ATP6V0A4: variants seen among roughly 807,000 people sequenced by gnomAD.
ATP6V0A4 encodes the protein ATPase H+ transporting V0 subunit a4.
A neutral mutation model predicts 107.3 loss-of-function variants in ATP6V0A4; 86 were observed. That is an observed-to-expected ratio of 0.80 (90% CI 0.67 to 0.96). The LOEUF (loss-of-function observed/expected upper bound fraction) is 0.96, where lower values mean the gene tolerates loss of function less well. Ranked by LOEUF, ATP6V0A4 falls within the 40% of genes least tolerant of loss-of-function variation. ATP6V0A4 has a pLI of 0.00. For synonymous variants in ATP6V0A4, 353 were observed against 381.4 expected (o/e 0.93, Z 0.87); for missense variants, 908 against 1,045.6 (o/e 0.87, Z 1.81).
At chr7:138,720,692 A>G (rs953694369) in intron 19 of ATP6V0A4, among the ~76,000 whole-genome samples, 2 of 151,192 alleles carry the variant, frequency 1.3e-5, no homozygotes, top group African/African-American at 4.9e-5. Flanking sequence ...CTGGGAGTAC[A>G]GTGGCATGAT....
At chr7:138,718,799 G>C (rs1250671447) in intron 19 of ATP6V0A4, among the ~76,000 whole-genome samples, 3 of 152,080 alleles carry the variant, frequency 2.0e-5, no homozygotes, top group African/African-American at 7.3e-5. Flanking sequence ...ATTTAGCAAT[G>C]AAAGCAGCTG....
At chr7:138,747,983 T>C (rs905591260) in intron 12 of ATP6V0A4, among the ~76,000 whole-genome samples, 1 of 152,104 alleles carries the variant, frequency 6.6e-6, no homozygotes, top group African/African-American at 2.4e-5. Flanking sequence ...CTCGAACTCC[T>C]GGTTTCAAGC....
intron 2 of ATP6V0A4, among the ~76,000 whole-genome samples, chr7:138,778,518 G>C (rs1381659647): frequency 6.6e-6 from 1 of 151,976 alleles, no homozygotes; most frequent in African/African-American, 2.4e-5. Context: ...TCAGATAAGG[G>C]ACAGATAATC....
At chr7:138,712,230 C>T (rs1010603699) in intron 20 of ATP6V0A4, among the ~76,000 whole-genome samples, 47 of 145,056 alleles carry the variant, frequency 3.2e-4, no homozygotes, top group African/African-American at 1.2e-3. Context: ...CCACCACGCC[C>T]AGCCCCACTT....
intron 14 of ATP6V0A4, among the ~76,000 whole-genome samples, chr7:138,740,424 CT>C (rs1288644564): frequency 0.022 from 2,808 of 128,940 alleles, 68 homozygotes; most frequent in East Asian, 0.15. Context: ...GAAGAAATTT[CT>C]TTTTTTTTTT....
chr7:138,777,316 A>G (rs1165384262), intron 2 of ATP6V0A4, among the ~76,000 whole-genome samples: 1 of 151,520 alleles, frequency 6.6e-6, no homozygotes, highest in Non-Finnish European at 1.5e-5. Context: ...CCTGGTTCAC[A>G]TTTTTAAAAA....
chr7:138,783,848 T>A (rs1481752881), intron 2 of ATP6V0A4, among the ~76,000 whole-genome samples: 1 of 152,216 alleles, frequency 6.6e-6, no homozygotes, highest in Non-Finnish European at 1.5e-5. Flanking sequence ...CTGAGCTCAA[T>A]TTTTTTATGT....
In ATP6V0A4 at chr7:138,752,622, C is replaced by T. The variant is rs769170631; in HGVS notation, c.1029+3G>A. 2.6e-5 allele frequency: 42 copies of T among 1,613,010 alleles called. No individual in the cohort carries two copies. The highest frequency in any genetic ancestry group is 3.1e-5 in the Non-Finnish European group (36 of 1,179,862). ...ACCCCTCCTGGCTCCACCTGCCACG[C>T]ACCATGCCTTGCTCCAGTGCCCTCT... is the stretch of plus-strand genomic sequence containing the variant. On this transcript the variant is annotated splice_donor_region_variant and intron_variant, in intron 11 of 21. Transcript: ENST00000310018.
At chr7:138,734,552 G>A (rs769779900) in intron 15 of ATP6V0A4, among the ~76,000 whole-genome samples, 1 of 152,124 alleles carries the variant, frequency 6.6e-6, no homozygotes, top group Non-Finnish European at 1.5e-5. Context: ...CGAGGCAGGT[G>A]TATCACTTGA....
At chr7:138,764,155 A>G (rs1294450149) in intron 5 of ATP6V0A4, among the ~76,000 whole-genome samples, 1 of 151,846 alleles carries the variant, frequency 6.6e-6, no homozygotes, top group African/African-American at 2.4e-5. Context: ...AAAAATAAAT[A>G]TGTAATAAAA....
In ATP6V0A4 at chr7:138,709,655, A is replaced by G; in HGVS notation, c.2398T>C (p.Ser800Pro). The change falls in exon 21 of 22, where the codon TCT becomes CCT. Residue 800 changes from serine to proline, a missense_variant. By Grantham distance (74) the Ser-to-Pro change is moderately conservative. Coordinates refer to ENST00000310018, the MANE Select transcript of ATP6V0A4 (RefSeq NM_020632.3). ...VAILLIMEGL[S>P]AFLHALRLHW... The stretch of plus-strand genomic sequence containing the variant: ...AGTCGCAGGGCGTGCAGGAAAGCAG[A>G]GAGGCCCTCCATGATCAGAAGGATG... The G allele has an allele frequency of 6.2e-7, 1 of 1,613,398 alleles. No individual in the cohort carries two copies. Among genetic ancestry groups the G allele is most frequent in the Non-Finnish European group, 8.5e-7 (1 of 1,179,658 alleles).
chr7:138,713,802 C>G (rs1803875920), intron 20 of ATP6V0A4, among the ~76,000 whole-genome samples: 1 of 151,920 alleles, frequency 6.6e-6, no homozygotes, highest in Non-Finnish European at 1.5e-5. Flanking sequence ...ACTGCGTCTT[C>G]AGGAGATAGT....
chr7:138,766,218 TTG>T (rs1491367031), intron 5 of ATP6V0A4, among the ~76,000 whole-genome samples: 42,554 of 119,804 alleles, frequency 0.36, 6,673 homozygotes, highest in East Asian at 0.56. Flanking sequence ...TTTTTTTTTT[TTG>T]GAAACACAGT....
In ATP6V0A4 at chr7:138,739,563, G is replaced by A; in HGVS notation, c.1549C>T (p.Pro517Ser). 1 of 1,614,182 alleles carries A rather than the reference G, an allele frequency of 6.2e-7. No homozygotes were observed. The highest frequency in any genetic ancestry group is 8.5e-7 in the Non-Finnish European group (1 of 1,180,030). ...ACCGGATCAATCCCAAACGGGTATG[G>A]ATTTCCAAAATACACTCCTGGTATG... ...PAIPGVYFGNPYPFGIDPIWN... is the reference protein window; with the variant it reads ...PAIPGVYFGNSYPFGIDPIWN... Residue 517 changes from proline (P) to serine (S), a missense_variant, in exon 15 of 22, where the codon CCA becomes TCA. Physicochemically the swap from Pro to Ser is moderately conservative, Grantham distance 74 (BLOSUM62 -1). Transcript: ENST00000310018.
intron 15 of ATP6V0A4, among the ~76,000 whole-genome samples, chr7:138,738,383 G>T (rs2117254388): frequency 6.6e-6 from 1 of 152,276 alleles, no homozygotes; most frequent in Non-Finnish European, 1.5e-5. Context: ...ACTGTGGGCT[G>T]TGGAGGGGAG....
At chr7:138,733,197 T>A (rs1805116798) in intron 16 of ATP6V0A4, 104 bp from the exon 17 acceptor site, 1 of 1,543,638 alleles carries the variant, frequency 6.5e-7, no homozygotes, top group East Asian at 2.4e-5. Flanking sequence ...CTATCTTTTT[T>A]TTTTTTGCAC....
chr7:138,739,796 A>C (rs1483203474), intron 14 of ATP6V0A4, 163 bp from the exon 15 acceptor site: 2 of 741,208 alleles, frequency 2.7e-6, no homozygotes, highest in Admixed American at 1.3e-4. Flanking sequence ...TGTCCTAAAC[A>C]CTGAGGCTAC....
intron 13 of ATP6V0A4, 39 bp from the exon 14 acceptor site, chr7:138,745,319 C>T (rs1363469464): frequency 6.2e-7 from 1 of 1,612,824 alleles, no homozygotes; most frequent in Admixed American, 1.7e-5. Context: ...TGTCAGTGGG[C>T]TCTGAAGCAG....
At chr7:138,708,638 G>A (rs938414280) in intron 21 of ATP6V0A4, among the ~76,000 whole-genome samples, 3 of 152,158 alleles carry the variant, frequency 2.0e-5, no homozygotes, top group African/African-American at 4.8e-5. Flanking sequence ...ACCTAACGAC[G>A]GCTGATTGTC....
Sources: gnomAD v4.1 joint callset for allele counts (sites outside exome capture counted in the v4.1 genomes callset) on GRCh38, gnomAD v4.1.1 for gene constraint, MANE v1.5 for transcripts, NCBI Gene and HGNC (gene_info 2026-07-23, HGNC 2026-07-21) for gene names.